The following DYNC1I1 variants were observed in gnomAD, a reference collection of about 807,000 sequenced individuals.
DYNC1I1 encodes cytoplasmic dynein 1 intermediate chain 1.
Under a neutral mutation model 86.6 loss-of-function variants are expected in DYNC1I1, and 43 were observed. The observed-to-expected ratio is 0.50, with a 90% CI of 0.39 to 0.64. DYNC1I1 has a LOEUF of 0.64. Among genes scored for constraint, DYNC1I1 ranks in the 30% least tolerant of loss-of-function variants. DYNC1I1 has a pLI of 0.00. For synonymous variants in DYNC1I1, 262 were observed against 283.7 expected (o/e 0.92, Z 0.77); for missense variants, 604 against 788.8 (o/e 0.77, Z 2.81).
At chr7:95,877,866 C>T (rs1790349510) in intron 6 of DYNC1I1, among the ~76,000 whole-genome samples, 1 of 152,154 alleles carries the variant, frequency 6.6e-6, no homozygotes, top group African/African-American at 2.4e-5. Flanking sequence ...TCAATGGCAG[C>T]AATTAGTGAA....
chr7:95,864,620 G>T (rs1789971041), intron 5 of DYNC1I1, among the ~76,000 whole-genome samples: 1 of 152,130 alleles, frequency 6.6e-6, no homozygotes. Flanking sequence ...TGGTTCCACT[G>T]CCCGGTCTGG....
chr7:96,105,498 A>G (rs796196785), intron 16 of DYNC1I1, among the ~76,000 whole-genome samples: 39 of 152,264 alleles, frequency 2.6e-4, no homozygotes, highest in African/African-American at 9.1e-4. Context: ...CAACTTTGAA[A>G]TAAAATCATT....
intron 6 of DYNC1I1, among the ~76,000 whole-genome samples, chr7:95,871,419 T>C (rs1341114393): frequency 6.6e-6 from 1 of 152,214 alleles, no homozygotes; most frequent in Non-Finnish European, 1.5e-5. Flanking sequence ...TCACCTAGTC[T>C]ATCCTTGGGC....
chr7:96,040,214 A>T (rs1788996368), intron 14 of DYNC1I1, among the ~76,000 whole-genome samples: 1 of 152,108 alleles, frequency 6.6e-6, no homozygotes, highest in Non-Finnish European at 1.5e-5. Context: ...AGCCTGGGTG[A>T]CAGAGCCAGA....
At chr7:96,072,157 C>A (rs1448333555) in intron 14 of DYNC1I1, among the ~76,000 whole-genome samples, 1 of 152,196 alleles carries the variant, frequency 6.6e-6, no homozygotes, top group Non-Finnish European at 1.5e-5. Flanking sequence ...AAAATTTACC[C>A]TCCCTTGCCC....
chr7:95,965,864 C>T (rs1202622340), intron 6 of DYNC1I1, among the ~76,000 whole-genome samples: 1 of 152,176 alleles, frequency 6.6e-6, no homozygotes, highest in Admixed American at 6.5e-5. Context: ...AAAATTGGCC[C>T]TAGGCACTAG....
chr7:96,064,151 C>T (rs1022181877), intron 14 of DYNC1I1, among the ~76,000 whole-genome samples: 17 of 151,644 alleles, frequency 1.1e-4, no homozygotes, highest in Middle Eastern at 3.4e-3. Flanking sequence ...TGTTTCTAAG[C>T]ATCATTGTTC....
chr7:96,086,633 T>C (rs1790687266), intron 16 of DYNC1I1, among the ~76,000 whole-genome samples: 1 of 152,142 alleles, frequency 6.6e-6, no homozygotes, highest in South Asian at 2.1e-4. Flanking sequence ...AGAATAGTAT[T>C]CATTTCATTA....
At chr7:95,827,963 T>G in intron 4 of DYNC1I1, 94 bp from the exon 5 acceptor site, 1 of 1,279,662 alleles carries the variant, frequency 7.8e-7, no homozygotes, top group Non-Finnish European at 1.1e-6. Flanking sequence ...TTGTATATGC[T>G]CTTGCCTTGA....
intron 14 of DYNC1I1, among the ~76,000 whole-genome samples, chr7:96,048,562 A>G (rs1306172994): frequency 6.6e-6 from 1 of 152,198 alleles, no homozygotes; most frequent in Non-Finnish European, 1.5e-5. Flanking sequence ...CCTTCCAAGT[A>G]ATCCAGATGT....
chr7:96,047,824 A>G (rs1009681325), intron 14 of DYNC1I1, among the ~76,000 whole-genome samples: 2 of 152,226 alleles, frequency 1.3e-5, no homozygotes, highest in Non-Finnish European at 2.9e-5. Context: ...ATTCACCGCT[A>G]TATAACTCAT....
chr7:96,083,732 A>T (rs1025278711), intron 16 of DYNC1I1, among the ~76,000 whole-genome samples: 1 of 152,186 alleles, frequency 6.6e-6, no homozygotes, highest in African/African-American at 2.4e-5. Context: ...AAGAAGAAAC[A>T]AATAAGGTAT....
intron 6 of DYNC1I1, among the ~76,000 whole-genome samples, chr7:95,878,098 G>A (rs1790356518): frequency 6.6e-6 from 1 of 152,224 alleles, no homozygotes; most frequent in Non-Finnish European, 1.5e-5. Context: ...TGGGGGTTGG[G>A]GGGACTGGTA....
chr7:95,822,498 G>A (rs796983552), intron 4 of DYNC1I1, among the ~76,000 whole-genome samples: 43 of 152,160 alleles, frequency 2.8e-4, no homozygotes, highest in African/African-American at 1.0e-3. Flanking sequence ...TTCCATGTTG[G>A]GAAGCTTCTG....
intron 6 of DYNC1I1, among the ~76,000 whole-genome samples, chr7:95,960,753 G>A (rs941271311): frequency 3.3e-5 from 5 of 152,204 alleles, no homozygotes; most frequent in Admixed American, 3.3e-4. Context: ...GTGCAGAGCA[G>A]GTAAGGAAGC....
chr7:95,926,324 T>C (rs1032619371), intron 6 of DYNC1I1, among the ~76,000 whole-genome samples: 3 of 152,186 alleles, frequency 2.0e-5, no homozygotes, highest in Non-Finnish European at 1.5e-5. Flanking sequence ...GATGCATTTA[T>C]ACTGTGAAGT....
intron 16 of DYNC1I1, among the ~76,000 whole-genome samples, chr7:96,090,342 T>C (rs1289674250): frequency 6.6e-6 from 1 of 151,562 alleles, no homozygotes; most frequent in Non-Finnish European, 1.5e-5. Context: ...TGAAAAATAT[T>C]TTACATGTTA....
Position 96,040,753 on chromosome 7 carries a change from G to A in DYNC1I1, c.1509+1332G>A, listed in dbSNP as rs182972222. Among the ~76,000 whole-genome samples the A allele has an allele frequency of 7.5e-4, 110 of 147,426 alleles. 3 individuals carry two copies. Among genetic ancestry groups the A allele is most frequent in the South Asian group, 6.0e-3 (28 of 4,658 alleles). On this transcript the variant is annotated intron_variant, in intron 14 of 16. Transcript: ENST00000447467. ...TTTCTTTTTTTTGAAACATAGTCTC[G>A]CTCTGTCACCCAGGCTGGAGTGCAA...
chr7:95,849,761 G>A (rs1006931000), intron 5 of DYNC1I1, among the ~76,000 whole-genome samples: 1 of 151,916 alleles, frequency 6.6e-6, no homozygotes, highest in African/African-American at 2.4e-5. Context: ...AAAAAATTTC[G>A]CTGGTATTTT....
Sources: gnomAD v4.1 joint callset for allele counts (sites outside exome capture counted in the v4.1 genomes callset) on GRCh38, gnomAD v4.1.1 for gene constraint, MANE v1.5 for transcripts, NCBI Gene and HGNC (gene_info 2026-07-23, HGNC 2026-07-21) for gene names.